The following PPP1R12A variants were observed in gnomAD, a reference collection of about 807,000 sequenced individuals.
PPP1R12A encodes the protein myosin binding subunit.
PPP1R12A carries 19 observed loss-of-function variants against 139.6 expected under a neutral mutation model. The ratio of observed to expected loss-of-function variants is 0.14; its 90% CI spans 0.09 to 0.20. The LOEUF is 0.20. PPP1R12A is among the 10% of genes least tolerant of loss of function. The pLI is 1.00. For synonymous variants in PPP1R12A, 427 were observed against 420.6 expected (o/e 1.02, Z -0.19); for missense variants, 925 against 1,211.5 (o/e 0.76, Z 3.51).
At chr12:79,869,818 G>C (rs974311489) in intron 2 of PPP1R12A, among the ~76,000 whole-genome samples, 58 of 151,954 alleles carry the variant, frequency 3.8e-4, no homozygotes, top group African/African-American at 1.3e-3. Context: ...ACTAGGATTT[G>C]CAACAAATTT....
At position 79,838,567 on chromosome 12, in the gene PPP1R12A, G is replaced by T. The variant is rs1304603982; in HGVS notation, c.488-6076C>A. 2.0e-5 allele frequency among the ~76,000 whole-genome samples: 3 copies of T among 152,226 alleles called. No individual in the cohort carries two copies. The East Asian group carries it at 5.8e-4, about 29-fold the overall frequency. On this transcript the variant is annotated intron_variant, in intron 3 of 24. Coordinates refer to ENST00000450142, the MANE Select transcript of PPP1R12A (RefSeq NM_002480.3). The stretch of plus-strand genomic sequence containing the variant: ...AAATGGTTTCATGGGCCGGGTCCAG[G>T]GCCCCCTTGCTGTGTGCAGCCTTGG...
chr12:79,893,857 G>A (rs1884889639), intron 1 of PPP1R12A, among the ~76,000 whole-genome samples: 1 of 152,060 alleles, frequency 6.6e-6, no homozygotes, highest in Non-Finnish European at 1.5e-5. Context: ...AAGGCAAAAA[G>A]ATAACTGTAC....
At chr12:79,784,318 T>C (rs1383259949) in intron 22 of PPP1R12A, among the ~76,000 whole-genome samples, 1 of 152,190 alleles carries the variant, frequency 6.6e-6, no homozygotes, top group Non-Finnish European at 1.5e-5. Context: ...TCAGAGTACC[T>C]GCCAAGGCAG....
intron 18 of PPP1R12A, among the ~76,000 whole-genome samples, chr12:79,794,988 G>T (rs577539039): frequency 6.7e-6 from 1 of 150,122 alleles, no homozygotes; most frequent in East Asian, 2.0e-4. Context: ...AGAACATGGG[G>T]GCAATCTACA....
intron 4 of PPP1R12A, among the ~76,000 whole-genome samples, chr12:79,829,755 G>A (rs538373290): frequency 6.6e-6 from 1 of 152,118 alleles, no homozygotes; most frequent in South Asian, 2.1e-4. Context: ...TCCCCATTAG[G>A]AAATATGAAC....
chr12:79,869,882 C>T (rs1332904459), intron 2 of PPP1R12A, among the ~76,000 whole-genome samples: 1 of 150,388 alleles, frequency 6.6e-6, no homozygotes, highest in African/African-American at 2.5e-5. Context: ...TTTCTTACCC[C>T]CTGGGTTATA....
chr12:79,825,944 A>G (rs1876705486), intron 5 of PPP1R12A, among the ~76,000 whole-genome samples: 1 of 152,108 alleles, frequency 6.6e-6, no homozygotes. Context: ...AAATGAAAAA[A>G]AAAGCCTTGT....
Position 79,786,441 on chromosome 12 carries a change from T to G in PPP1R12A, c.2840A>C (p.Lys947Thr). Residue 947 changes from lysine to threonine, a missense_variant, in exon 22 of 25, where the codon AAG becomes ACG. Lys to Thr is a moderately conservative substitution (Grantham distance 78, BLOSUM62 -1). Transcript: ENST00000450142. ...EQILAENEKL[K>T]AQLHDTNMEL... ...CATATTTGTATCATGTAGCTGTGCC[T>G]TCAGCTTTTCATTTTCAGCTAGAAT... 1 of 1,558,524 alleles carries G rather than the reference T, an allele frequency of 6.4e-7. No individual in the cohort carries two copies. The highest frequency in any genetic ancestry group is 8.7e-7 in the Non-Finnish European group (1 of 1,151,482).
chr12:79,933,356 G>GT (rs1273018849), intron 1 of PPP1R12A, among the ~76,000 whole-genome samples: 22 of 152,142 alleles, frequency 1.4e-4, no homozygotes, highest in African/African-American at 5.3e-4. Context: ...CCCTTAAACA[G>GT]TAAGCAGGAC....
At chr12:79,837,512 A>G (rs1352000011) in intron 3 of PPP1R12A, among the ~76,000 whole-genome samples, 1 of 152,198 alleles carries the variant, frequency 6.6e-6, no homozygotes, top group Admixed American at 6.5e-5. Flanking sequence ...TCATACCTAG[A>G]TAATTTGAGA....
intron 2 of PPP1R12A, among the ~76,000 whole-genome samples, chr12:79,866,161 C>T (rs900760567): frequency 3.9e-5 from 6 of 152,098 alleles, no homozygotes; most frequent in African/African-American, 1.4e-4. Flanking sequence ...TCAGAAATAA[C>T]ACCACACATC....
chr12:79,907,131 G>A (rs532370319), intron 1 of PPP1R12A, among the ~76,000 whole-genome samples: 1 of 152,202 alleles, frequency 6.6e-6, no homozygotes, highest in South Asian at 2.1e-4. Context: ...AGAGGCAGGT[G>A]GGAAAGGTAC....
chr12:79,926,801 C>T (rs769989332), intron 1 of PPP1R12A, among the ~76,000 whole-genome samples: 41 of 151,964 alleles, frequency 2.7e-4, no homozygotes, highest in Non-Finnish European at 4.4e-4. Context: ...TTCCCCCCCA[C>T]CCCCAGTATC....
At chr12:79,919,349 G>A (rs1010870346) in intron 1 of PPP1R12A, among the ~76,000 whole-genome samples, 3 of 151,830 alleles carry the variant, frequency 2.0e-5, no homozygotes, top group Admixed American at 2.0e-4. Flanking sequence ...GAGGTCAGGA[G>A]TTCAAGACCA....
rs76807155 is a variant in PPP1R12A at position 79,795,943 on chromosome 12, G to A, written c.2462-184C>T. ...GAGAATTCAGATCCAGTGTTGCCAG[G>A]TCAGCCAACTTTTCAAGAAATGGCA... is the stretch of plus-strand genomic sequence containing the variant. On this transcript the variant is annotated intron_variant, in intron 17 of 24. Transcript: ENST00000450142. Among the ~76,000 whole-genome samples, 808 of 152,126 alleles carry A rather than the reference G, an allele frequency of 5.3e-3. 2 individuals are homozygous for A. The highest frequency in any genetic ancestry group is 0.02 in the Middle Eastern group (6 of 294).
At chr12:79,843,610 AAATATAGATATAG>A (rs1476153599) in intron 3 of PPP1R12A, among the ~76,000 whole-genome samples, 2 of 145,596 alleles carry the variant, frequency 1.4e-5, no homozygotes, top group African/African-American at 2.6e-5. Flanking sequence ...TCTCAAAAAA[AAATATAGATATAG>A]ATATAGATAT....
chr12:79,817,382 A>G lies in PPP1R12A; in HGVS notation c.1239+12T>C, dbSNP rs920997647. 2.5e-6 allele frequency: 4 copies of G among 1,608,536 alleles called. No homozygotes were observed. The highest frequency in any genetic ancestry group is 3.4e-6 in the Non-Finnish European group (4 of 1,176,784). On this transcript the variant is annotated intron_variant, in intron 9 of 24. Coordinates refer to ENST00000450142, the MANE Select transcript of PPP1R12A (RefSeq NM_002480.3). ...AATACATGTATTTTCAGCAAATACA[A>G]TTTTGGCTTACCTTTTTAATAGGTG...
At chr12:79,777,950 T>C (rs1421146) in intron 24 of PPP1R12A, among the ~76,000 whole-genome samples, 119,044 of 151,920 alleles carry the variant, frequency 0.78, 49,109 homozygotes, top group Non-Finnish European at 0.92. Context: ...GTGGGTACAA[T>C]ATACTTACTA....
At chr12:79,861,568 C>T (rs560193611) in intron 2 of PPP1R12A, among the ~76,000 whole-genome samples, 2 of 152,244 alleles carry the variant, frequency 1.3e-5, no homozygotes, top group African/African-American at 4.8e-5. Flanking sequence ...CAAGGGAAGC[C>T]GTGAGTGACC....
Sources: allele counts gnomAD v4.1 joint callset (sites outside exome capture counted in the v4.1 genomes callset), GRCh38; gene constraint gnomAD v4.1.1; transcripts MANE v1.5; gene names NCBI Gene and HGNC (gene_info 2026-07-23, HGNC 2026-07-21).